ETFA: variants seen among roughly 807,000 people sequenced by gnomAD.
ETFA encodes the protein electron transfer flavoprotein subunit alpha.
ETFA carries 22 observed loss-of-function variants against 46.2 expected under a neutral mutation model. That is an observed-to-expected ratio of 0.48 (90% CI 0.34 to 0.68). The LOEUF (loss-of-function observed/expected upper bound fraction) is 0.68. Ranked by LOEUF, ETFA falls within the 30% of genes least tolerant of loss-of-function variation. The pLI, the probability that ETFA is intolerant of heterozygous loss-of-function variation, is 0.01. For synonymous variants in ETFA, 131 were observed against 139.9 expected (o/e 0.94, Z 0.45); for missense variants, 345 against 401.1 (o/e 0.86, Z 1.19).
intron 10 of ETFA, chr15:76,230,216 C>T (rs1213398769): frequency 2.3e-5 from 1 of 43,814 alleles, no homozygotes; most frequent in African/African-American, 6.7e-5. Context: ...CTACTTATTG[C>T]ACTTTTTTTT....
chr15:76,288,905 C>A (rs1363743846), intron 4 of ETFA, among the ~76,000 whole-genome samples: 5 of 57,128 alleles, frequency 8.8e-5, no homozygotes, highest in South Asian at 1.8e-3. Context: ...TCAGTTAATT[C>A]TTCTTCTTCT....
intron 9 of ETFA, chr15:76,261,092 A>T: frequency 6.6e-7 from 1 of 1,522,150 alleles, no homozygotes; most frequent in Non-Finnish European, 9.1e-7. Context: ...TTAGGCTGTG[A>T]ACTTCACAGG....
intron 1 of ETFA, among the ~76,000 whole-genome samples, chr15:76,296,419 T>G (rs1056741786): frequency 1.3e-5 from 2 of 152,178 alleles, no homozygotes; most frequent in Middle Eastern, 3.2e-3. Context: ...AACTAGGAAC[T>G]GGTCAAATTC....
intron 1 of ETFA, among the ~76,000 whole-genome samples, chr15:76,300,826 G>A (rs760386792): frequency 5.3e-5 from 8 of 151,996 alleles, no homozygotes; most frequent in Non-Finnish European, 8.8e-5. Flanking sequence ...TGCTCTCTCA[G>A]ACTTCCAGCC....
chr15:76,298,759 G>A (rs2039852147), intron 1 of ETFA, among the ~76,000 whole-genome samples: 1 of 151,580 alleles, frequency 6.6e-6, no homozygotes, highest in Non-Finnish European at 1.5e-5. Context: ...GATTGCACTT[G>A]GCAAACATTC....
chr15:76,271,768 T>A (rs570646990), intron 9 of ETFA, among the ~76,000 whole-genome samples: 2 of 152,186 alleles, frequency 1.3e-5, no homozygotes, highest in Non-Finnish European at 2.9e-5. Flanking sequence ...CATAAAAATA[T>A]AGGTTTTTTG....
chr15:76,288,868 C>T lies in ETFA; in HGVS notation c.352-923G>A, dbSNP rs1218817710. Among the ~76,000 whole-genome samples, 7 of 150,310 alleles carry T rather than the reference C, an allele frequency of 4.7e-5. No individual in the cohort carries two copies. The South Asian group carries it at 1.3e-3, about 27-fold the overall frequency. On this transcript the variant is annotated intron_variant, in intron 4 of 11. Transcript: ENST00000557943. ...AACTTTGTCCTCAGCAGCAGGAATC[C>T]TTGGGAAAGTCACAGTTCCCCAAGT... is the stretch of plus-strand genomic sequence containing the variant.
intron 1 of ETFA, 66 bp from the exon 2 acceptor site, chr15:76,295,803 T>TC: frequency 8.5e-6 from 10 of 1,179,772 alleles, no homozygotes; most frequent in Non-Finnish European, 1.2e-5. Context: ...TTTTTTTTTT[T>TC]ACTAATTGTT....
At chr15:76,246,736 G>A (rs377073627) in intron 9 of ETFA, among the ~76,000 whole-genome samples, 19 of 152,172 alleles carry the variant, frequency 1.2e-4, no homozygotes, top group African/African-American at 4.6e-4. Context: ...GGGAGGCTGA[G>A]GCAGGAGAAT....
At chr15:76,288,856 G>A (rs900967938) in intron 4 of ETFA, among the ~76,000 whole-genome samples, 2 of 151,490 alleles carry the variant, frequency 1.3e-5, no homozygotes, top group Admixed American at 1.3e-4. Flanking sequence ...TTTGTCCTCA[G>A]CAGCAGGAAT....
At chr15:76,226,705 C>T (rs955571937) in intron 10 of ETFA, among the ~76,000 whole-genome samples, 3 of 152,068 alleles carry the variant, frequency 2.0e-5, no homozygotes, top group Non-Finnish European at 2.9e-5. Context: ...GGTGAAACCC[C>T]GTCTCTACTA....
intron 9 of ETFA, among the ~76,000 whole-genome samples, chr15:76,270,346 A>C (rs2039516199): frequency 6.6e-6 from 1 of 152,238 alleles, no homozygotes; most frequent in South Asian, 2.1e-4. Flanking sequence ...GAGAAAACCA[A>C]AATTAACCCT....
At position 76,295,936 on chromosome 15, in the gene ETFA, C is replaced by CTTTTTTTTTTTTTT. The variant is rs1157687784; in HGVS notation, c.40-213_40-200dup. Among the ~76,000 whole-genome samples, 45 of 46,590 alleles carry CTTTTTTTTTTTTTT rather than the reference C, an allele frequency of 9.7e-4. 2 individuals carry two copies. Among genetic ancestry groups the CTTTTTTTTTTTTTT allele is most frequent in the African/African-American group, 1.8e-3 (26 of 14,854 alleles). The allele number at this position is 46,590 out of a possible 152,430, so 30.6% of individuals were successfully genotyped here. ...TGTCTATCACTGTACCACTAATATT[C>CTTTTTTTTTTTTTT]TTTTTTTTTTTTTTTTTTTTTTTGA... On this transcript the variant is annotated intron_variant, in intron 1 of 11. Transcript: ENST00000557943.
chr15:76,284,802 T>C (rs1167960450), intron 7 of ETFA: 5 of 281,736 alleles, frequency 1.8e-5, no homozygotes, highest in Admixed American at 1.6e-4. Context: ...TAGTGGCACA[T>C]GCCTGTAATC....
rs528577481 is a variant in ETFA at position 76,281,183 on chromosome 15, T to G, written c.733+2574A>C. ...GCCCACCTAGCTAATTTTTATATTT[T>G]TAGTAGAGGCGGGGTTTCACCACGT... On this transcript the variant is annotated intron_variant, in intron 8 of 11. Coordinates refer to ENST00000557943, the MANE Select transcript of ETFA (RefSeq NM_000126.4). Among the ~76,000 whole-genome samples, 3 of 152,170 alleles carry G rather than the reference T, an allele frequency of 2.0e-5. No individual in the cohort carries two copies. In the South Asian group the frequency reaches 6.2e-4, roughly 32 times the overall value.
At position 76,295,601 on chromosome 15, in the gene ETFA, T is replaced by C; in HGVS notation, c.176A>G (p.Lys59Arg). 6.2e-7 allele frequency: 1 copy of C among 1,613,804 alleles called. No homozygotes were observed. Among genetic ancestry groups the C allele is most frequent in the Non-Finnish European group, 8.5e-7 (1 of 1,179,782 alleles). The change falls in exon 2 of 12, where the codon AAA becomes AGA. Residue 59 changes from lysine (K) to arginine (R), a missense_variant. By Grantham distance (26) the Lys-to-Arg change is conservative. Transcript: ENST00000557943. ...GEVSCLVAGTKCDKVAQDLCK... is the reference protein window; with the variant it reads ...GEVSCLVAGTRCDKVAQDLCK... Reference sequence around the variant, plus strand: ...TTAAAAATTTCTCACCTTGTCACATTTGGTTCCAGCTACTAAGCAGGACAC... The same window carrying C: ...TTAAAAATTTCTCACCTTGTCACATCTGGTTCCAGCTACTAAGCAGGACAC...
At chr15:76,304,636 C>T (rs1185944871) in intron 1 of ETFA, among the ~76,000 whole-genome samples, 3 of 149,072 alleles carry the variant, frequency 2.0e-5, no homozygotes, top group Non-Finnish European at 1.5e-5. Flanking sequence ...TGCACTCCAG[C>T]CTGGGTGAGA....
chr15:76,243,200 CAGG>C (rs939794041), intron 9 of ETFA, among the ~76,000 whole-genome samples: 3 of 150,948 alleles, frequency 2.0e-5, no homozygotes, highest in African/African-American at 7.3e-5. Context: ...GAGGCTGAGG[CAGG>C]AGAATTGCTT....
At chr15:76,268,488 G>T (rs567849276) in intron 9 of ETFA, among the ~76,000 whole-genome samples, 28 of 152,314 alleles carry the variant, frequency 1.8e-4, no homozygotes, top group Non-Finnish European at 2.9e-4. Context: ...AGGAAGCTGA[G>T]AAACTGCTGG....
Sources: gnomAD v4.1 joint callset for allele counts (sites outside exome capture counted in the v4.1 genomes callset) on GRCh38, gnomAD v4.1.1 for gene constraint, MANE v1.5 for transcripts, NCBI Gene and HGNC (gene_info 2026-07-23, HGNC 2026-07-21) for gene names.